Variants in SIRT4 observed in about 807,000 individuals in gnomAD.
The protein encoded by SIRT4 is sirtuin 4.
A neutral mutation model predicts 26.1 loss-of-function variants in SIRT4; 23 were observed. That is an observed-to-expected ratio of 0.88 (90% CI 0.63 to 1.25). SIRT4 has a LOEUF of 1.25. Ranked by LOEUF, SIRT4 falls within the 50% of genes most tolerant of loss-of-function variation. The probability of loss-of-function intolerance (pLI) is 0.00; values close to 1 mark genes in which losing one functional copy is unlikely to be tolerated. For missense variants in SIRT4, 361 were observed against 405.4 expected (o/e 0.89, Z 0.94); for synonymous variants, 155 against 158.4 (o/e 0.98, Z 0.16).
At chr12:120,304,702 C>A (rs1427358302) in intron 2 of SIRT4, among the ~76,000 whole-genome samples, 1 of 150,700 alleles carries the variant, frequency 6.6e-6, no homozygotes, top group Non-Finnish European at 1.5e-5. Flanking sequence ...GTAATCCTAG[C>A]ACTTTGGAAG....
intron 2 of SIRT4, among the ~76,000 whole-genome samples, chr12:120,305,218 T>C (rs1229980659): frequency 7.7e-6 from 1 of 129,358 alleles, no homozygotes; most frequent in African/African-American, 3.0e-5. Context: ...TTTTCTTTTA[T>C]TTTCTTTTGT....
chr12:120,301,248 G>A (rs560553747), upstream of SIRT4, among the ~76,000 whole-genome samples: 2 of 152,274 alleles, frequency 1.3e-5, no homozygotes, highest in East Asian at 1.9e-4. Context: ...AGGAGGCTGA[G>A]GCAGGAGAAT....
At chr12:120,310,349 G>C (rs920299487) in intron 2 of SIRT4, among the ~76,000 whole-genome samples, 1 of 151,942 alleles carries the variant, frequency 6.6e-6, no homozygotes, top group East Asian at 1.9e-4. Context: ...CTGGGCGACA[G>C]AGCAAGACCC....
At chr12:120,301,072 C>T (rs1405714187), upstream of SIRT4, among the ~76,000 whole-genome samples, 1 of 152,186 alleles carries the variant, frequency 6.6e-6, no homozygotes, top group East Asian at 1.9e-4. Context: ...TTTGGCTGGG[C>T]ACAGTGGCTT....
intron 1 of SIRT4, among the ~76,000 whole-genome samples, chr12:120,302,976 G>C (rs369423570): frequency 6.9e-4 from 105 of 151,606 alleles, no homozygotes; most frequent in African/African-American, 2.4e-3. Flanking sequence ...GCCTGCGTCG[G>C]CCTCCCAAAG....
intron 2 of SIRT4, among the ~76,000 whole-genome samples, chr12:120,304,948 G>C (rs1219440202): frequency 6.6e-6 from 1 of 150,652 alleles, no homozygotes; most frequent in African/African-American, 2.4e-5. Context: ...GAGGTCAGGA[G>C]TTCAAGACCA....
chr12:120,296,310 C>T, the SIRT4 span, among the ~76,000 whole-genome samples: 2 of 151,238 alleles, frequency 1.3e-5, no homozygotes, highest in African/African-American at 4.8e-5. Context: ...CTCCGCCTTC[C>T]GGGTTCACGC....
intron 2 of SIRT4, among the ~76,000 whole-genome samples, chr12:120,307,073 C>T (rs1240961449): frequency 6.6e-6 from 1 of 152,174 alleles, no homozygotes; most frequent in Admixed American, 6.6e-5. Flanking sequence ...AGAGAGGCTC[C>T]TCTGAGGGCT....
At chr12:120,295,869 T>C in the SIRT4 span, among the ~76,000 whole-genome samples, 133,367 of 151,492 alleles carry the variant, frequency 0.88, 58,806 homozygotes, top group East Asian at 0.98. Flanking sequence ...ATCAGCCTGG[T>C]AACATGGCGA....
At chr12:120,310,047 G>A (rs897769082) in intron 2 of SIRT4, among the ~76,000 whole-genome samples, 1 of 151,738 alleles carries the variant, frequency 6.6e-6, no homozygotes, top group Non-Finnish European at 1.5e-5. Flanking sequence ...GACAGGGTCT[G>A]GTTCTGACAC....
chr12:120,311,735 CAAAAAAAAAAAAA>C (rs10612543), intron 2 of SIRT4, among the ~76,000 whole-genome samples: 2 of 55,076 alleles, frequency 3.6e-5, no homozygotes, highest in African/African-American at 1.7e-4. Context: ...AACTTGCTCT[CAAAAAAAAAAAAA>C]AAAAAAAAAA....
At chr12:120,299,817 A>T (rs1284817465), upstream of SIRT4, among the ~76,000 whole-genome samples, 1 of 152,180 alleles carries the variant, frequency 6.6e-6, no homozygotes, top group African/African-American at 2.4e-5. Flanking sequence ...CCCATCAGAC[A>T]TTATCTTGTG....
At chr12:120,309,072 G>A (rs1189384105) in intron 2 of SIRT4, among the ~76,000 whole-genome samples, 3 of 152,006 alleles carry the variant, frequency 2.0e-5, no homozygotes, top group Non-Finnish European at 4.4e-5. Context: ...CCAGCTACTC[G>A]GGAGGCTGAG....
At position 120,312,459 on chromosome 12, in the gene SIRT4, C is replaced by T; in HGVS notation, c.501C>T (p.Val167=). 2 of 1,610,530 alleles carry T rather than the reference C, an allele frequency of 1.2e-6. No individual in the cohort carries two copies. The highest frequency in any genetic ancestry group is 1.7e-6 in the Non-Finnish European group (2 of 1,178,092). ...TCAGCGTCTTCCTTGGTTCCAGGGT[C>T]CTGTGCTTGGATTGTGGGGAACAGA... The part of the protein sequence containing the change: ...LTELHGCMDR[V]LCLDCGEQTP... Residue 167 remains valine, a synonymous_variant, in exon 3 of 4, where the codon GTC becomes GTT. Coordinates refer to ENST00000202967, the MANE Select transcript of SIRT4 (RefSeq NM_012240.3).
At chr12:120,304,875 C>A (rs1185573351) in intron 2 of SIRT4, among the ~76,000 whole-genome samples, 2 of 137,048 alleles carry the variant, frequency 1.5e-5, no homozygotes, top group Non-Finnish European at 3.0e-5. Context: ...AAGTTGAGGC[C>A]GGGTGTGGTG....
At chr12:120,309,718 T>C (rs569643888) in intron 2 of SIRT4, among the ~76,000 whole-genome samples, 63 of 148,058 alleles carry the variant, frequency 4.3e-4, no homozygotes, top group South Asian at 8.6e-4. Flanking sequence ...CGCTTTCTTT[T>C]TTTTTTTTTT....
intron 2 of SIRT4, among the ~76,000 whole-genome samples, chr12:120,309,962 C>T (rs1872895982): frequency 6.6e-6 from 1 of 151,926 alleles, no homozygotes; most frequent in South Asian, 2.1e-4. Flanking sequence ...ACTGATCCAC[C>T]CATCTTGGCC....
At chr12:120,311,139 A>C (rs1214052819) in intron 2 of SIRT4, among the ~76,000 whole-genome samples, 1 of 146,526 alleles carries the variant, frequency 6.8e-6, no homozygotes, top group Non-Finnish European at 1.5e-5. Context: ...CGGGCAGACC[A>C]CCTGAGGTCA....
the SIRT4 span, among the ~76,000 whole-genome samples, chr12:120,293,419 G>A: frequency 1.3e-5 from 2 of 152,280 alleles, no homozygotes; most frequent in African/African-American, 4.8e-5. Flanking sequence ...ACTTAGCTAG[G>A]TTTTTGTTGA....
Sources: allele counts gnomAD v4.1 joint callset (sites outside exome capture counted in the v4.1 genomes callset), GRCh38; gene constraint gnomAD v4.1.1; transcripts MANE v1.5; gene names NCBI Gene and HGNC (gene_info 2026-07-23, HGNC 2026-07-21).